MLLT3: variants seen among roughly 807,000 people sequenced by gnomAD.
MLLT3 encodes MLLT3 super elongation complex subunit, also known as protein AF-9.
Under a neutral mutation model 53.2 loss-of-function variants are expected in MLLT3, and 4 were observed. The ratio of observed to expected loss-of-function variants is 0.08; its 90% confidence interval spans 0.04 to 0.17. The LOEUF is 0.17. MLLT3 is among the 10% of genes least tolerant of loss of function. The pLI is 1.00. For synonymous variants in MLLT3, 283 were observed against 230.6 expected, an observed-to-expected ratio of 1.23 and a Z score of -2.06; for missense variants, 569 against 684.0, an observed-to-expected ratio of 0.83 and a Z score of 1.87.
chr9:20,522,191 T>C (rs1818079343), intron 2 of MLLT3, among the ~76,000 whole-genome samples: 1 of 150,938 alleles, frequency 6.6e-6, no homozygotes, highest in East Asian at 1.9e-4. Context: ...AGTACTACTG[T>C]AGTACAGAAA....
Position 20,620,999 on chromosome 9 carries a change from A to G in MLLT3, c.13-165T>C. The G allele has an allele frequency of 1.2e-6, 1 of 855,758 alleles. No individual in the cohort carries two copies. Among genetic ancestry groups the G allele is most frequent in the Non-Finnish European group, 1.9e-6 (1 of 529,366 alleles). 53.0% of individuals were successfully genotyped at this position (855,758 alleles called of 1,614,324 possible). ...ACGCGCGTGGGCGCGCACACTCCAC[A>G]CCCCCAAATATACCCGCCCGCCCGG... On this transcript the variant is annotated intron_variant, in intron 1 of 10. Transcript: ENST00000380338. The surrounding 1 kb of genome is among the most constrained non-coding windows in gnomAD (Gnocchi z 6.1).
intron 2 of MLLT3, among the ~76,000 whole-genome samples, chr9:20,574,731 T>C (rs920923129): frequency 6.6e-6 from 1 of 152,146 alleles, no homozygotes; most frequent in Non-Finnish European, 1.5e-5. Flanking sequence ...AAGGTTAAGG[T>C]GGCTGTGGCA....
chr9:20,615,887 A>G (rs73647606), intron 2 of MLLT3, among the ~76,000 whole-genome samples: 4,064 of 104,580 alleles, frequency 0.039, 212 homozygotes, highest in African/African-American at 0.11. Context: ...AAAAAAAAAA[A>G]AAAAGAAAAG....
At chr9:20,463,250 C>T (rs964080284) in intron 2 of MLLT3, among the ~76,000 whole-genome samples, 1 of 151,494 alleles carries the variant, frequency 6.6e-6, no homozygotes, top group African/African-American at 2.4e-5. Context: ...CTTATGTATT[C>T]AGTATATCCC....
chr9:20,532,291 G>C (rs571847380), intron 2 of MLLT3, among the ~76,000 whole-genome samples: 20 of 145,328 alleles, frequency 1.4e-4, no homozygotes, highest in African/African-American at 5.2e-4. Flanking sequence ...ATACATTATG[G>C]AAAAATGTAA....
Position 20,411,285 on chromosome 9 carries a change from G to A in MLLT3, c.1125+2436C>T, listed in dbSNP as rs145479009. 269 of 153,576 alleles carry A rather than the reference G, an allele frequency of 1.8e-3. 4 individuals are homozygous for A. Among genetic ancestry groups the A allele is most frequent in the African/African-American group, 6.0e-3 (249 of 41,606 alleles). 9.5% of individuals were successfully genotyped at this position (153,576 alleles called of 1,614,324 possible). A position where few individuals can be genotyped will look rare whatever the true frequency, so the allele number is the denominator to read the frequency against. On this transcript the variant is annotated intron_variant, in intron 5 of 10. Coordinates refer to ENST00000380338, the MANE Select transcript of MLLT3 (RefSeq NM_004529.4). ...TGCCAGGTAGGACAGGTAGGAGACA[G>A]TCCAAACAAAGCCTGTCTTTTCTAC...
chr9:20,470,113 T>C (rs763601900), intron 2 of MLLT3, among the ~76,000 whole-genome samples: 1 of 152,022 alleles, frequency 6.6e-6, no homozygotes, highest in Non-Finnish European at 1.5e-5. Flanking sequence ...GAATGTCCAG[T>C]CACCAGTTTC....
chr9:20,622,175 G>C, intron 1 of MLLT3, 70 bp downstream of exon 1: 1 of 1,487,052 alleles, frequency 6.7e-7, no homozygotes, highest in Non-Finnish European at 9.3e-7. Flanking sequence ...GCGCTGTCTG[G>C]GCTGCGGCGG....
At chr9:20,514,892 T>C (rs1234831544) in intron 2 of MLLT3, among the ~76,000 whole-genome samples, 1 of 151,796 alleles carries the variant, frequency 6.6e-6, no homozygotes, top group Admixed American at 6.6e-5. Flanking sequence ...CCACCAGTAA[T>C]ATCTTCAAGG....
chr9:20,399,249 T>A (rs547494414), intron 5 of MLLT3, among the ~76,000 whole-genome samples: 1 of 152,284 alleles, frequency 6.6e-6, no homozygotes, highest in African/African-American at 2.4e-5. Flanking sequence ...CACAGACATA[T>A]TTATAGTTAA....
chr9:20,424,659 A>G (rs1823098541), intron 4 of MLLT3, among the ~76,000 whole-genome samples: 1 of 152,194 alleles, frequency 6.6e-6, no homozygotes, highest in African/African-American at 2.4e-5. Context: ...TGGCTGTGCA[A>G]GAAAGAAAAT....
intron 4 of MLLT3, among the ~76,000 whole-genome samples, chr9:20,438,959 C>A (rs1022664942): frequency 6.6e-6 from 1 of 152,152 alleles, no homozygotes; most frequent in Non-Finnish European, 1.5e-5. Context: ...CCATTTCACA[C>A]TACCCACAGG....
At chr9:20,503,993 C>T (rs1366929204) in intron 2 of MLLT3, among the ~76,000 whole-genome samples, 1 of 151,856 alleles carries the variant, frequency 6.6e-6, no homozygotes, top group Non-Finnish European at 1.5e-5. Flanking sequence ...AAATTAATAC[C>T]ACAATGAGAT....
At chr9:20,351,880 T>A (rs543160572) in intron 10 of MLLT3, among the ~76,000 whole-genome samples, 1 of 152,334 alleles carries the variant, frequency 6.6e-6, no homozygotes, top group Admixed American at 6.5e-5. Context: ...CATGGTATCA[T>A]AATCACAAGC....
At chr9:20,568,511 G>C (rs1416610628) in intron 2 of MLLT3, among the ~76,000 whole-genome samples, 2 of 152,050 alleles carry the variant, frequency 1.3e-5, no homozygotes, top group African/African-American at 4.8e-5. Flanking sequence ...AAATACTTCT[G>C]GATGCCTTTA....
rs1306272180 is a variant in MLLT3 at position 20,375,602 on chromosome 9, TTTCTTTTC to T, written c.1126-9866_1126-9859del. On this transcript the variant is annotated intron_variant, in intron 5 of 10. Coordinates refer to ENST00000380338, the MANE Select transcript of MLLT3 (RefSeq NM_004529.4). Reference sequence around the variant, plus strand: ...TTGTTATTTCAGTAATTTTTTTTTTTTTCTTTTCTTTTTTTTTTTTTTTGAGACAGAGT... The same window carrying T: ...TTGTTATTTCAGTAATTTTTTTTTTTTTTTTTTTTTTTTTTGAGACAGAGT... 4.2e-4 allele frequency among the ~76,000 whole-genome samples: 45 copies of T among 108,216 alleles called. No individual in the cohort carries two copies. In the African/African-American group the frequency reaches 4.3e-3, roughly 10 times the overall value. The allele number at this position is 108,216 out of a possible 152,430, so 71.0% of individuals were successfully genotyped here.
intron 2 of MLLT3, among the ~76,000 whole-genome samples, chr9:20,520,785 G>A (rs1818037369): frequency 6.6e-6 from 1 of 152,144 alleles, no homozygotes; most frequent in South Asian, 2.1e-4. Flanking sequence ...TAAAGGCACA[G>A]GGACAGGAAA....
At chr9:20,611,759 G>A (rs958807592) in intron 2 of MLLT3, among the ~76,000 whole-genome samples, 3 of 151,992 alleles carry the variant, frequency 2.0e-5, no homozygotes, top group Admixed American at 6.6e-5. Flanking sequence ...AAATTCTATC[G>A]TAATAGCCTT....
intron 2 of MLLT3, among the ~76,000 whole-genome samples, chr9:20,468,140 A>G (rs1396496879): frequency 6.6e-6 from 1 of 152,224 alleles, no homozygotes; most frequent in Non-Finnish European, 1.5e-5. Context: ...CCATGCTAGA[A>G]AGCATGAGAT....
Sources: allele counts gnomAD v4.1 joint callset (sites outside exome capture counted in the v4.1 genomes callset), GRCh38; gene constraint gnomAD v4.1.1; non-coding constraint Gnocchi (gnomAD v3.1); transcripts MANE v1.5; gene names NCBI Gene and HGNC (gene_info 2026-07-23, HGNC 2026-07-21).